The following GRIK4 variants were observed in gnomAD, a reference collection of about 807,000 sequenced individuals.
GRIK4 encodes the protein glutamate receptor ionotropic, kainate 4.
GRIK4 carries 40 observed loss-of-function variants against 104.9 expected under a neutral mutation model. The ratio of observed to expected loss-of-function variants is 0.38; its 90% confidence interval spans 0.30 to 0.50. The LOEUF is 0.50. Among genes scored for constraint, GRIK4 ranks in the 20% least tolerant of loss-of-function variants. The pLI is 0.93. For synonymous variants in GRIK4, 485 were observed against 524.9 expected, an observed-to-expected ratio of 0.92 and a Z score of 1.04; for missense variants, 1,047 against 1,308.1, an observed-to-expected ratio of 0.80 and a Z score of 3.08.
chr11:120,727,294 T>C (rs1591839241), intron 3 of GRIK4, among the ~76,000 whole-genome samples: 1 of 152,006 alleles, frequency 6.6e-6, no homozygotes, highest in East Asian at 1.9e-4. Flanking sequence ...GAATAGAAAT[T>C]GAACAGGGTG....
chr11:120,599,084 C>A (rs1033563149), intron 1 of GRIK4, among the ~76,000 whole-genome samples: 3 of 152,244 alleles, frequency 2.0e-5, no homozygotes, highest in African/African-American at 7.2e-5. Flanking sequence ...GTCCTGTAAA[C>A]TAAGGGTGTG....
chr11:120,625,370 G>A (rs1482787710), intron 1 of GRIK4, among the ~76,000 whole-genome samples: 1 of 152,124 alleles, frequency 6.6e-6, no homozygotes, highest in Non-Finnish European at 1.5e-5. Flanking sequence ...GCACCCGGCC[G>A]GAAAGGGGAC....
intron 1 of GRIK4, among the ~76,000 whole-genome samples, chr11:120,609,560 T>C (rs1949006933): frequency 7.6e-6 from 1 of 131,788 alleles, no homozygotes; most frequent in Non-Finnish European, 1.6e-5. Context: ...AGAGTTTTGC[T>C]CTGTTGCCCA....
chr11:120,791,970 T>C (rs558856891), intron 3 of GRIK4, among the ~76,000 whole-genome samples: 1 of 152,210 alleles, frequency 6.6e-6, no homozygotes, highest in Non-Finnish European at 1.5e-5. Context: ...TCAAAGATTC[T>C]TGAAGTTCTC....
chr11:120,640,168 C>G (rs1385027256), intron 1 of GRIK4, among the ~76,000 whole-genome samples: 2 of 152,188 alleles, frequency 1.3e-5, no homozygotes, highest in African/African-American at 4.8e-5. Flanking sequence ...AAAGGAACAA[C>G]AGTTGTTGCC....
Position 120,660,294 on chromosome 11 carries a change from G to A in GRIK4, c.-25G>A. The A allele has an allele frequency of 6.4e-7, 1 of 1,571,164 alleles. No individual in the cohort carries two copies. Among genetic ancestry groups the A allele is most frequent in the Non-Finnish European group, 8.8e-7 (1 of 1,142,166 alleles). On this transcript the variant is annotated 5_prime_UTR_variant, in exon 3 of 21. Transcript: ENST00000527524. ...AGTTATGTCATGCCCAGGCCAGCAG[G>A]GGGCTCCATGAGGATTCATAGAAGA...
chr11:120,870,779 C>T (rs1210725729), intron 9 of GRIK4: 1 of 146,988 alleles, frequency 6.8e-6, no homozygotes, highest in Non-Finnish European at 1.5e-5. Flanking sequence ...TGGAGTCTTA[C>T]TCTGTTGCCC....
At chr11:120,767,833 C>A (rs950071207) in intron 3 of GRIK4, among the ~76,000 whole-genome samples, 9 of 152,034 alleles carry the variant, frequency 5.9e-5, no homozygotes, top group African/African-American at 2.2e-4. Context: ...CTCTTGGTGC[C>A]CTTGTCAAAA....
intron 8 of GRIK4, among the ~76,000 whole-genome samples, chr11:120,860,512 C>A (rs1954233625): frequency 6.6e-6 from 1 of 152,174 alleles, no homozygotes; most frequent in Non-Finnish European, 1.5e-5. Flanking sequence ...ATGTCACTGC[C>A]TTTAGATGGG....
At chr11:120,732,886 T>C (rs938131725) in intron 3 of GRIK4, among the ~76,000 whole-genome samples, 2 of 152,238 alleles carry the variant, frequency 1.3e-5, no homozygotes, top group African/African-American at 4.8e-5. Flanking sequence ...GTCCAGTGTT[T>C]CTTTGTTGAT....
intron 7 of GRIK4, among the ~76,000 whole-genome samples, chr11:120,834,305 T>A (rs895232522): frequency 6.7e-6 from 1 of 149,490 alleles, no homozygotes; most frequent in Admixed American, 6.6e-5. Flanking sequence ...TGTGTGGCCA[T>A]GCTTTTGAAG....
chr11:120,948,172 C>T (rs1181011089), intron 14 of GRIK4, among the ~76,000 whole-genome samples: 2 of 152,146 alleles, frequency 1.3e-5, no homozygotes, highest in African/African-American at 2.4e-5. Flanking sequence ...GGAGACACTG[C>T]GTTCTCTTAC....
intron 14 of GRIK4, among the ~76,000 whole-genome samples, chr11:120,946,501 C>T (rs944724255): frequency 7.2e-5 from 11 of 152,144 alleles, no homozygotes; most frequent in Non-Finnish European, 1.5e-5. Context: ...CAGAGCAACA[C>T]CCCATCTCTT....
intron 3 of GRIK4, among the ~76,000 whole-genome samples, chr11:120,765,263 G>A (rs1482579855): frequency 1.3e-5 from 2 of 151,384 alleles, no homozygotes; most frequent in East Asian, 1.9e-4. Flanking sequence ...ATTGATCCTT[G>A]TGTATGCTTC....
intron 3 of GRIK4, among the ~76,000 whole-genome samples, chr11:120,794,609 A>G (rs555972608): frequency 5.3e-5 from 8 of 152,144 alleles, no homozygotes; most frequent in Non-Finnish European, 1.0e-4. Context: ...GTACGGGTGC[A>G]GGGAGAAGGT....
chr11:120,526,485 G>A (rs1009584921), intron 1 of GRIK4, among the ~76,000 whole-genome samples: 1 of 152,150 alleles, frequency 6.6e-6, no homozygotes, highest in Non-Finnish European at 1.5e-5. Context: ...GGTGTGAGCC[G>A]CTGTGCCCAG....
intron 4 of GRIK4, among the ~76,000 whole-genome samples, chr11:120,809,197 T>C (rs1308139645): frequency 6.6e-6 from 1 of 152,138 alleles, no homozygotes; most frequent in Non-Finnish European, 1.5e-5. Flanking sequence ...AGCCTGGGCT[T>C]CTAAGGGGTC....
In GRIK4 at chr11:120,889,588, C is replaced by CTTTTTTTTTT. The variant is rs776440015; in HGVS notation, c.1165-8944_1165-8943insTTTTTTTTTT. 4.0e-3 allele frequency among the ~76,000 whole-genome samples: 265 copies of CTTTTTTTTTT among 67,080 alleles called. 34 individuals carry two copies. The highest frequency in any genetic ancestry group is 0.011 in the East Asian group (20 of 1,740). The allele number at this position is 67,080 out of a possible 152,430, so 44.0% of individuals were successfully genotyped here. The stretch of plus-strand genomic sequence containing the variant: ...AATAGAATAAAATAGAAAGAGCTTA[C>CTTTTTTTTTT]ATTTTTTTTTTTTTTTTTTTTTTTT... On this transcript the variant is annotated intron_variant, in intron 11 of 20. Coordinates refer to ENST00000527524, the MANE Select transcript of GRIK4 (RefSeq NM_014619.5).
chr11:120,586,669 C>T (rs953186108), intron 1 of GRIK4, among the ~76,000 whole-genome samples: 8 of 152,102 alleles, frequency 5.3e-5, no homozygotes, highest in African/African-American at 9.7e-5. Context: ...ATGGGACATT[C>T]GGGTGACCTT....
Sources: allele counts gnomAD v4.1 joint callset (sites outside exome capture counted in the v4.1 genomes callset), GRCh38; gene constraint gnomAD v4.1.1; transcripts MANE v1.5; gene names NCBI Gene and HGNC (gene_info 2026-07-23, HGNC 2026-07-21).